CARS2: variants seen among roughly 807,000 people sequenced by gnomAD.
CARS2 encodes probable cysteine--tRNA ligase, mitochondrial.
A neutral mutation model predicts 68.8 loss-of-function variants in CARS2; 52 were observed. The observed-to-expected ratio is 0.76, with a 90% CI of 0.61 to 0.95. The LOEUF (loss-of-function observed/expected upper bound fraction) is 0.95, where lower values mean the gene tolerates loss of function less well. CARS2 is among the 40% of genes least tolerant of loss of function. The pLI, the probability that CARS2 is intolerant of heterozygous loss-of-function variation, is 0.00. For missense variants in CARS2, 780 were observed against 754.2 expected, an observed-to-expected ratio of 1.03 and a Z score of -0.40; for synonymous variants, 314 against 303.6, an observed-to-expected ratio of 1.03 and a Z score of -0.36.
chr13:110,700,366 C>T (rs1040038094), intron 3 of CARS2, among the ~76,000 whole-genome samples: 1 of 152,204 alleles, frequency 6.6e-6, no homozygotes, highest in Non-Finnish European at 1.5e-5. Context: ...CGCACTGCAT[C>T]AATGTCCGGT....
At chr13:110,674,095 T>C (rs1420071870) in intron 7 of CARS2, among the ~76,000 whole-genome samples, 2 of 152,302 alleles carry the variant, frequency 1.3e-5, no homozygotes, top group Admixed American at 6.5e-5. Flanking sequence ...TCCATGCTCA[T>C]GGATAGGAAG....
At chr13:110,687,861 C>A in intron 4 of CARS2, 35 bp from the exon 5 acceptor site, 1 of 1,567,544 alleles carries the variant, frequency 6.4e-7, no homozygotes, top group Admixed American at 1.7e-5. Context: ...GTGTTTCCCT[C>A]GTGAGAAGCA....
At chr13:110,652,366 A>G (rs1170189777) in intron 9 of CARS2, among the ~76,000 whole-genome samples, 1 of 152,232 alleles carries the variant, frequency 6.6e-6, no homozygotes, top group African/African-American at 2.4e-5. Flanking sequence ...ATCACAACAC[A>G]TGGTATTTTA....
At chr13:110,698,455 G>A (rs977805310) in intron 3 of CARS2, among the ~76,000 whole-genome samples, 1 of 151,970 alleles carries the variant, frequency 6.6e-6, no homozygotes, top group Non-Finnish European at 1.5e-5. Flanking sequence ...GGGATGTGGA[G>A]GTTGCAGTGA....
intron 13 of CARS2, chr13:110,644,112 G>T (rs989083873): frequency 1.5e-6 from 2 of 1,360,366 alleles, no homozygotes; most frequent in African/African-American, 1.5e-5. Context: ...ACATAAACGT[G>T]TGTGCAGAGC....
At chr13:110,675,744 G>A (rs1054779117) in intron 7 of CARS2, among the ~76,000 whole-genome samples, 12 of 152,122 alleles carry the variant, frequency 7.9e-5, no homozygotes, top group African/African-American at 2.7e-4. Context: ...GGAAACATAC[G>A]CGTGGTTATT....
rs368589539 is a variant in CARS2 at position 110,664,102 on chromosome 13, T to G, written c.920-584A>C. The G allele has an allele frequency of 6.6e-4, 655 of 985,310 alleles. 8 individuals carry two copies. The African/African-American group carries it at 0.011, about 16-fold the overall frequency. The allele number at this position is 985,310 out of a possible 1,614,324, so 61.0% of individuals were successfully genotyped here. ...AACTCATTTAAGGAACTCCTGAATCTGACCCTGAAATTCTCCCTGGCCTGT... is the reference window on the plus strand; with the variant it reads ...AACTCATTTAAGGAACTCCTGAATCGGACCCTGAAATTCTCCCTGGCCTGT... On this transcript the variant is annotated intron_variant, in intron 8 of 14. Transcript: ENST00000257347.
intron 12 of CARS2, chr13:110,644,717 G>A (rs551600312): frequency 3.4e-6 from 2 of 590,242 alleles, no homozygotes; most frequent in East Asian, 3.4e-5. Flanking sequence ...CATGTGGGTG[G>A]TGACTAGCTC....
In CARS2 at chr13:110,703,718, C is replaced by T. The variant is rs367830045; in HGVS notation, c.275+1803G>A. Among the ~76,000 whole-genome samples the T allele has an allele frequency of 1.2e-4, 18 of 152,334 alleles. No homozygotes were observed. In the East Asian group the frequency reaches 3.1e-3, roughly 26 times the overall value. On this transcript the variant is annotated intron_variant, in intron 2 of 14. Transcript: ENST00000257347. ...CTCAAGAAAATTTCAAAACCTGGGA[C>T]CCACCTCTGAAATGTAATCAAGGAA...
chr13:110,702,181 G>A (rs138289403), intron 2 of CARS2, among the ~76,000 whole-genome samples: 106 of 152,264 alleles, frequency 7.0e-4, no homozygotes, highest in African/African-American at 2.5e-3. Context: ...ACTCACCTCT[G>A]CTATCCATGT....
chr13:110,693,773 T>C (rs1027365211), intron 3 of CARS2, among the ~76,000 whole-genome samples: 6 of 152,034 alleles, frequency 3.9e-5, no homozygotes, highest in African/African-American at 9.7e-5. Flanking sequence ...ATAGACGAGG[T>C]AGAAAGGCGC....
chr13:110,677,207 C>A, intron 6 of CARS2, 104 bp from the exon 7 acceptor site: 1 of 1,216,496 alleles, frequency 8.2e-7, no homozygotes, highest in South Asian at 1.8e-5. Context: ...TCACCCCCAC[C>A]ATGGAAACAC....
Position 110,677,342 on chromosome 13 carries a change from G to C in CARS2, c.656-239C>G, listed in dbSNP as rs12431292. ...CTCAGACAGTCACCCCCACCACGGG[G>C]ACCCAGTCACCCCCACCACGGAAAC... On this transcript the variant is annotated intron_variant, in intron 6 of 14. Coordinates refer to ENST00000257347, the MANE Select transcript of CARS2 (RefSeq NM_024537.4). 6.4e-4 allele frequency among the ~76,000 whole-genome samples: 36 copies of C among 56,494 alleles called. 1 individual carries two copies. Among genetic ancestry groups the C allele is most frequent in the African/African-American group, 2.2e-3 (30 of 13,592 alleles). 37.1% of individuals were successfully genotyped at this position (56,494 alleles called of 152,430 possible). A position where few individuals can be genotyped will look rare whatever the true frequency, so the allele number is the denominator to read the frequency against.
At chr13:110,709,423 G>C (rs898477534), upstream of CARS2, among the ~76,000 whole-genome samples, 2 of 152,132 alleles carry the variant, frequency 1.3e-5, no homozygotes, top group African/African-American at 4.8e-5. Flanking sequence ...GGCTTTTGCG[G>C]ATCATCAAAA....
chr13:110,647,046 G>C, intron 11 of CARS2, 55 bp downstream of exon 11: 1 of 1,499,810 alleles, frequency 6.7e-7, no homozygotes, highest in Non-Finnish European at 8.9e-7. Flanking sequence ...CCCACCAGCA[G>C]CACCCAGCAG....
At chr13:110,649,347 G>C (rs2139693089) in intron 10 of CARS2, 2 of 152,446 alleles carry the variant, frequency 1.3e-5, no homozygotes, top group Non-Finnish European at 2.9e-5. Context: ...CCAGGATAAA[G>C]ACATGGCCCA....
chr13:110,707,133 C>A (rs1156281241), upstream of CARS2, among the ~76,000 whole-genome samples: 8 of 151,738 alleles, frequency 5.3e-5, no homozygotes, highest in Admixed American at 2.6e-4. Context: ...AGCACATGTG[C>A]ATCCCAGCAA....
At chr13:110,679,206 C>T (rs113420296) in intron 6 of CARS2, among the ~76,000 whole-genome samples, 70 of 152,272 alleles carry the variant, frequency 4.6e-4, no homozygotes, top group African/African-American at 1.4e-3. Flanking sequence ...GGTGCCCATG[C>T]TGTGTTCTCA....
At chr13:110,655,136 C>T (rs2062333519) in intron 9 of CARS2, among the ~76,000 whole-genome samples, 1 of 152,030 alleles carries the variant, frequency 6.6e-6, no homozygotes, top group Non-Finnish European at 1.5e-5. Flanking sequence ...GCGATTCTAC[C>T]TCAAGGCACT....
Sources: gnomAD v4.1 joint callset for allele counts (sites outside exome capture counted in the v4.1 genomes callset) on GRCh38, gnomAD v4.1.1 for gene constraint, MANE v1.5 for transcripts, NCBI Gene and HGNC (gene_info 2026-07-23, HGNC 2026-07-21) for gene names.